The following NLRP1 variants were observed in gnomAD, a reference collection of about 807,000 sequenced individuals.
The protein encoded by NLRP1 is NLR family pyrin domain containing 1.
Under a neutral mutation model 136.7 loss-of-function variants are expected in NLRP1, and 94 were observed. That is an observed-to-expected ratio of 0.69 (90% CI 0.58 to 0.82). The LOEUF (loss-of-function observed/expected upper bound fraction) is 0.82. NLRP1 is among the 40% of genes least tolerant of loss of function. The probability of loss-of-function intolerance (pLI) is 0.00; values close to 1 mark genes in which losing one functional copy is unlikely to be tolerated. For missense variants in NLRP1, 1,575 were observed against 1,802.7 expected, an observed-to-expected ratio of 0.87 and a Z score of 2.29; for synonymous variants, 690 against 725.1, an observed-to-expected ratio of 0.95 and a Z score of 0.78.
Position 5,517,962 on chromosome 17 carries a change from G to C in NLRP1, c.3916-75C>G, listed in dbSNP as rs143021829. ...GTCTTTCCCCACCTGACACCTTCTT[G>C]GCCCTGCTTGGCTCCATAAGGACAC... On this transcript the variant is annotated intron_variant, in intron 14 of 16. Transcript: ENST00000572272. 388 of 1,438,224 alleles carry C rather than the reference G, an allele frequency of 2.7e-4. 1 individual carries two copies. In the African/African-American group the frequency reaches 4.7e-3, roughly 18 times the overall value. 89.1% of individuals were successfully genotyped at this position (1,438,224 alleles called of 1,614,324 possible).
At chr17:5,573,907 C>A (rs1403604651) in intron 3 of NLRP1, among the ~76,000 whole-genome samples, 1 of 152,206 alleles carries the variant, frequency 6.6e-6, no homozygotes, top group African/African-American at 2.4e-5. Flanking sequence ...CGCCTCTCCC[C>A]CTCCAAAGGA....
At chr17:5,567,457 C>G (rs1280604041) in intron 3 of NLRP1, among the ~76,000 whole-genome samples, 1 of 151,968 alleles carries the variant, frequency 6.6e-6, no homozygotes, top group Non-Finnish European at 1.5e-5. Context: ...CTAATAAAAA[C>G]TTAACTTCAT....
At chr17:5,517,261 C>A (rs1374607310) in intron 15 of NLRP1, among the ~76,000 whole-genome samples, 2 of 147,124 alleles carry the variant, frequency 1.4e-5, no homozygotes, top group Non-Finnish European at 3.0e-5. Flanking sequence ...CTAGTCATAA[C>A]AACTGTTATG....
chr17:5,565,150 T>C (rs2151811087), intron 3 of NLRP1, among the ~76,000 whole-genome samples: 1 of 152,326 alleles, frequency 6.6e-6, no homozygotes, highest in African/African-American at 2.4e-5. Flanking sequence ...CACAAGAATT[T>C]GTTCTTGCCT....
exon 16 of NLRP1, chr17:5,501,808 T>C: frequency 1.2e-6 from 2 of 1,613,276 alleles, no homozygotes; most frequent in Non-Finnish European, 8.5e-7. Flanking sequence ...CGCAGGCTGC[T>C]GGGCACTAGT....
Position 5,515,055 on chromosome 17 carries a change from T to C in NLRP1, c.4121A>G (p.Asp1374Gly), listed in dbSNP as rs1907907292. The C allele has an allele frequency of 6.2e-7, 1 of 1,614,014 alleles. No individual in the cohort carries two copies. The highest frequency in any genetic ancestry group is 8.5e-7 in the Non-Finnish European group (1 of 1,179,972). The change falls in exon 17 of 17, where the codon GAT becomes GGT. Residue 1374 changes from aspartate to glycine, a missense_variant. Asp to Gly is a moderately conservative substitution (Grantham distance 94). Transcript: ENST00000572272. ...CACAAAGTGCAGCAACTGCGGGGCA[T>C]CCAGAGGTGAAGGTACGGCTGGCAA... ...PARIAVPSPL[D>G]APQLLHFVDQ...
chr17:5,541,881 G>C lies in NLRP1; in HGVS notation c.2675C>G (p.Pro892Arg). The change falls in exon 6 of 17, where the codon CCG (proline) becomes CGG (arginine). Residue 892 changes from proline (P) to arginine (R), a missense_variant. By Grantham distance (103) the Pro-to-Arg change is moderately radical. Transcript: ENST00000572272. This position sits in a 1 kb window ranked among gnomAD's most constrained non-coding sequence, Gnocchi z 4.2. Reference sequence around the variant, plus strand: ...CTGCAGTCGCTGTAGCTTGCAGCTCGGCTGTCTCAGTCTCTGGCAAAGGTG... The same window carrying C: ...CTGCAGTCGCTGTAGCTTGCAGCTCCGCTGTCTCAGTCTCTGGCAAAGGTG... ...AKHLCQRLRQ[P>R]SCKLQRLQLV... 1 of 1,613,740 alleles carries C rather than the reference G, an allele frequency of 6.2e-7. No individual in the cohort carries two copies. Among genetic ancestry groups the C allele is most frequent in the South Asian group, 1.1e-5 (1 of 91,058 alleles).
chr17:5,566,195 C>CT (rs1161881893), intron 3 of NLRP1, among the ~76,000 whole-genome samples: 2 of 151,386 alleles, frequency 1.3e-5, no homozygotes, highest in African/African-American at 2.4e-5. Context: ...TTTGTTATTT[C>CT]TTTTCATCTA....
chr17:5,529,848 G>GT (rs1282322870), intron 12 of NLRP1: 2 of 376,730 alleles, frequency 5.3e-6, no homozygotes, highest in Non-Finnish European at 1.0e-5. Flanking sequence ...ACTGATTCTG[G>GT]TATCTGTCGT....
downstream of NLRP1, among the ~76,000 whole-genome samples, chr17:5,510,719 C>T (rs1907583348): frequency 6.6e-6 from 1 of 151,992 alleles, no homozygotes. Context: ...TGCTATGTTG[C>T]CCAGGCTGGT....
rs199908255 is a variant in NLRP1, at chr17:5,520,871, G to C, written c.3915+10C>G. The C allele has an allele frequency of 5.7e-6, 9 of 1,582,074 alleles. No homozygotes were observed. Among genetic ancestry groups the C allele is most frequent in the Non-Finnish European group, 7.8e-6 (9 of 1,160,948 alleles). On this transcript the variant is annotated intron_variant, in intron 14 of 16. Coordinates refer to ENST00000572272, the MANE Select transcript of NLRP1 (RefSeq NM_033004.4). ...GTTCGCAGTGAAGAGGCAGACACTG[G>C]GCTGCTCACCTTGGGGAGTATTTCC...
Position 5,558,811 on chromosome 17 carries a change from A to G in NLRP1, c.1885T>C (p.Phe629Leu). Residue 629 changes from phenylalanine (F) to leucine (L), a missense_variant, in exon 4 of 17, where the codon TTC becomes CTC. Physicochemically the swap from Phe to Leu is conservative, Grantham distance 22. Coordinates refer to ENST00000572272, the MANE Select transcript of NLRP1 (RefSeq NM_033004.4). ...YSFIHLCFQE[F>L]FAAMSYVLED... ...AAGACATAGGACATTGCTGCAAAGA[A>G]CTCTTGGAAACAGAGGTGAATGAAG... 1 of 1,614,178 alleles carries G rather than the reference A, an allele frequency of 6.2e-7. No homozygotes were observed. Among genetic ancestry groups the G allele is most frequent in the African/African-American group, 1.3e-5 (1 of 75,044 alleles).
At chr17:5,501,713 C>T in exon 16 of NLRP1, 1 of 894,114 alleles carries the variant, frequency 1.1e-6, no homozygotes, top group African/African-American at 1.6e-5. Flanking sequence ...ACCTGCCTCA[C>T]CTAAGCCCAT....
At position 5,536,841 on chromosome 17, in the gene NLRP1, C is replaced by A. The variant is rs1911133143; in HGVS notation, c.2960+10G>T. The A allele has an allele frequency of 6.3e-7, 1 of 1,598,608 alleles. No individual in the cohort carries two copies. The highest frequency in any genetic ancestry group is 2.2e-5 in the East Asian group (1 of 44,772). On this transcript the variant is annotated intron_variant, in intron 8 of 16. Transcript: ENST00000572272. ...GGGTCAGCCAGAGGGAGTTCTGGGT[C>A]CCCCCTTACCGTCTGCTGAAGATGA...
chr17:5,582,493 A>T (rs1351088200), intron 2 of NLRP1, among the ~76,000 whole-genome samples, 177 bp downstream of exon 2: 2 of 152,112 alleles, frequency 1.3e-5, no homozygotes, highest in Middle Eastern at 3.2e-3. Flanking sequence ...TCAGCACCGG[A>T]AGGTCCCTGA....
At chr17:5,560,079 G>T in intron 3 of NLRP1, 36 bp from the exon 4 acceptor site, 1 of 1,486,084 alleles carries the variant, frequency 6.7e-7, no homozygotes, top group East Asian at 2.3e-5. Flanking sequence ...CATAAAGGTA[G>T]AGAATAGAAG....
At chr17:5,578,668 G>A (rs1173008420) in intron 3 of NLRP1, among the ~76,000 whole-genome samples, 2 of 152,234 alleles carry the variant, frequency 1.3e-5, no homozygotes, top group Non-Finnish European at 2.9e-5. Context: ...TGGTGGGACT[G>A]TAAACTGGTT....
Position 5,583,617 on chromosome 17 carries a change from C to T in NLRP1, c.271+70G>A. 4 of 1,462,496 alleles carry T rather than the reference C, an allele frequency of 2.7e-6. No individual in the cohort carries two copies. Among genetic ancestry groups the T allele is most frequent in the Non-Finnish European group, 3.7e-6 (4 of 1,087,218 alleles). 90.6% of individuals were successfully genotyped at this position (1,462,496 alleles called of 1,614,324 possible). ...GGCAGGGAGGGCTCAGTGGTGGGGT[C>T]CCAAGAGGGCAGGGCAGGCATGAGG... On this transcript the variant is annotated intron_variant, in intron 1 of 16. Coordinates refer to ENST00000572272, the MANE Select transcript of NLRP1 (RefSeq NM_033004.4). The surrounding 1 kb of genome is among the most constrained non-coding windows in gnomAD (Gnocchi z 4.5).
chr17:5,525,680 A>G (rs1909443468), intron 12 of NLRP1, among the ~76,000 whole-genome samples: 1 of 151,988 alleles, frequency 6.6e-6, no homozygotes, highest in Non-Finnish European at 1.5e-5. Flanking sequence ...CCTGGCTTTG[A>G]CTCCCAGCAA....
Sources: gnomAD v4.1 joint callset for allele counts (sites outside exome capture counted in the v4.1 genomes callset) on GRCh38, gnomAD v4.1.1 for gene constraint, Gnocchi (gnomAD v3.1) non-coding constraint, MANE v1.5 for transcripts, NCBI Gene and HGNC (gene_info 2026-07-23, HGNC 2026-07-21) for gene names.